NRG3: variants seen among roughly 807,000 people sequenced by gnomAD.
NRG3 encodes pro-neuregulin-3, membrane-bound isoform.
A neutral mutation model predicts 66.9 loss-of-function variants in NRG3; 31 were observed. The observed-to-expected ratio is 0.46, with a 90% CI of 0.35 to 0.63. The LOEUF is 0.63. Among genes scored for constraint, NRG3 ranks in the 20% least tolerant of loss-of-function variants. The pLI, the probability that NRG3 is intolerant of heterozygous loss-of-function variation, is 0.00. For synonymous variants in NRG3, 393 were observed against 359.4 expected (o/e 1.09, Z -1.06); for missense variants, 910 against 878.9 (o/e 1.04, Z -0.45).
chr10:82,632,915 C>T (rs1015350366), intron 2 of NRG3, among the ~76,000 whole-genome samples: 21 of 152,182 alleles, frequency 1.4e-4, no homozygotes, highest in Non-Finnish European at 7.3e-5. Context: ...TTGGCTGCAA[C>T]ACAAGAAAAT....
At chr10:82,170,654 G>GTGTATGTA (rs1554839695) in intron 1 of NRG3, among the ~76,000 whole-genome samples, 1 of 74,220 alleles carries the variant, frequency 1.3e-5, no homozygotes. Flanking sequence ...AAAACTTGTG[G>GTGTATGTA]TATATATATA....
At position 81,949,658 on chromosome 10, in the gene NRG3, T is replaced by C. The variant is rs138893622; in HGVS notation, c.823+73495T>C. 4.5e-3 allele frequency among the ~76,000 whole-genome samples: 680 copies of C among 152,278 alleles called. 1 individual carries two copies. Among genetic ancestry groups the C allele is most frequent in the Middle Eastern group, 0.01 (3 of 294 alleles). On this transcript the variant is annotated intron_variant, in intron 1 of 8. Transcript: ENST00000372141. The stretch of plus-strand genomic sequence containing the variant: ...GTTAAGATTTAGGGAAGGGGCAATA[T>C]GTGAAAAAAACACGTTATGAGAATG...
At chr10:82,376,779 A>G (rs1470871094) in intron 2 of NRG3, among the ~76,000 whole-genome samples, 1 of 152,120 alleles carries the variant, frequency 6.6e-6, no homozygotes, top group Non-Finnish European at 1.5e-5. Flanking sequence ...CTTTCTGATC[A>G]TCTTTCCCTT....
At chr10:82,978,475 A>C (rs900231866) in intron 7 of NRG3, among the ~76,000 whole-genome samples, 1 of 152,248 alleles carries the variant, frequency 6.6e-6, no homozygotes, top group African/African-American at 2.4e-5. Flanking sequence ...AATGCCAATT[A>C]AAAGTTGTTA....
intron 1 of NRG3, among the ~76,000 whole-genome samples, chr10:82,242,791 G>C (rs1026154563): frequency 6.6e-6 from 1 of 152,112 alleles, no homozygotes; most frequent in African/African-American, 2.4e-5. Flanking sequence ...CTCAGGCAGG[G>C]AACCCATTCT....
intron 2 of NRG3, among the ~76,000 whole-genome samples, chr10:82,371,366 C>A (rs1436164794): frequency 6.6e-6 from 1 of 152,126 alleles, no homozygotes; most frequent in East Asian, 1.9e-4. Context: ...ATATGTGAGG[C>A]TATAGAATGG....
At chr10:81,889,557 C>T (rs768827409) in intron 1 of NRG3, 4 of 152,174 alleles carry the variant, frequency 2.6e-5, no homozygotes. Flanking sequence ...CTCAGGCTTA[C>T]TTGGTTGCTC....
chr10:82,228,110 AC>A (rs2076257788), intron 1 of NRG3, among the ~76,000 whole-genome samples: 1 of 152,168 alleles, frequency 6.6e-6, no homozygotes, highest in Non-Finnish European at 1.5e-5. Flanking sequence ...AAAGGTCAAA[AC>A]CCAGACCCCA....
chr10:82,464,332 C>G (rs1011320079), intron 2 of NRG3, among the ~76,000 whole-genome samples: 1 of 152,150 alleles, frequency 6.6e-6, no homozygotes, highest in African/African-American at 2.4e-5. Flanking sequence ...TTTTCAATTT[C>G]TGACACTAAG....
At chr10:82,020,578 C>T (rs1042208576) in intron 1 of NRG3, among the ~76,000 whole-genome samples, 2 of 152,022 alleles carry the variant, frequency 1.3e-5, no homozygotes, top group African/African-American at 2.4e-5. Flanking sequence ...AGACTTTTAC[C>T]AGATTTCAAA....
chr10:82,227,535 A>AG (rs914800853), intron 1 of NRG3, among the ~76,000 whole-genome samples: 50 of 152,230 alleles, frequency 3.3e-4, no homozygotes, highest in African/African-American at 1.2e-3. Flanking sequence ...ATGACAAAGA[A>AG]GAGACATGAA....
intron 4 of NRG3, among the ~76,000 whole-genome samples, chr10:82,893,034 C>T (rs1443016509): frequency 1.3e-5 from 2 of 151,922 alleles, no homozygotes; most frequent in Non-Finnish European, 2.9e-5. Context: ...ATCTTAGGCA[C>T]CTTTCATAGT....
At chr10:82,073,956 A>C (rs890200916) in intron 1 of NRG3, among the ~76,000 whole-genome samples, 1 of 152,208 alleles carries the variant, frequency 6.6e-6, no homozygotes, top group African/African-American at 2.4e-5. Context: ...TGCAGCTTAA[A>C]TACCAGTGGC....
intron 2 of NRG3, among the ~76,000 whole-genome samples, chr10:82,369,975 C>T (rs1363559538): frequency 7.2e-6 from 1 of 138,278 alleles, no homozygotes; most frequent in Non-Finnish European, 1.5e-5. Flanking sequence ...GGGAAGCATG[C>T]AGAAGGGCAG....
At chr10:82,305,547 T>C (rs543109148) in intron 1 of NRG3, among the ~76,000 whole-genome samples, 1 of 152,272 alleles carries the variant, frequency 6.6e-6, no homozygotes, top group South Asian at 2.1e-4. Context: ...TGAATTTCCA[T>C]TTACTCAGAC....
intron 1 of NRG3, among the ~76,000 whole-genome samples, chr10:81,894,709 C>T (rs1276201501): frequency 2.0e-5 from 3 of 152,086 alleles, no homozygotes; most frequent in Non-Finnish European, 4.4e-5. Flanking sequence ...AGACTGCCCT[C>T]CCCGCTGCTA....
At chr10:82,162,791 T>C (rs549839723) in intron 1 of NRG3, among the ~76,000 whole-genome samples, 1 of 152,270 alleles carries the variant, frequency 6.6e-6, no homozygotes, top group South Asian at 2.1e-4. Flanking sequence ...AATTTAACCC[T>C]TTTATACATA....
At chr10:82,465,684 G>C (rs373913759) in intron 2 of NRG3, among the ~76,000 whole-genome samples, 9 of 152,252 alleles carry the variant, frequency 5.9e-5, no homozygotes, top group African/African-American at 2.2e-4. Context: ...GCTCTTAGGG[G>C]GTGGGGGGCA....
At chr10:82,438,905 G>T (rs898214747) in intron 2 of NRG3, among the ~76,000 whole-genome samples, 4 of 151,864 alleles carry the variant, frequency 2.6e-5, no homozygotes, top group African/African-American at 9.7e-5. Flanking sequence ...TTTGTTGCTG[G>T]TGATGGATTC....
Sources: gnomAD v4.1 joint callset for allele counts (sites outside exome capture counted in the v4.1 genomes callset) on GRCh38, gnomAD v4.1.1 for gene constraint, MANE v1.5 for transcripts, NCBI Gene and HGNC (gene_info 2026-07-23, HGNC 2026-07-21) for gene names.